The following PTPRN2 variants were observed in gnomAD, a reference collection of about 807,000 sequenced individuals.
PTPRN2 encodes the protein receptor-type tyrosine-protein phosphatase N2.
Under a neutral mutation model 118.8 loss-of-function variants are expected in PTPRN2, and 74 were observed. The observed-to-expected ratio is 0.62, with a 90% CI of 0.52 to 0.76. The LOEUF is 0.76. Ranked by LOEUF, PTPRN2 falls within the 30% of genes least tolerant of loss-of-function variation. PTPRN2 has a pLI of 0.00. For missense variants in PTPRN2, 1,481 were observed against 1,394.4 expected (o/e 1.06, Z -0.99); for synonymous variants, 641 against 608.0 (o/e 1.05, Z -0.80).
rs1810858474 is a variant in PTPRN2, at chr7:157,868,510, T to C, written c.1788+30163A>G. On this transcript the variant is annotated intron_variant, in intron 12 of 22. Transcript: ENST00000389418. This position sits in a 1 kb window ranked among gnomAD's most constrained non-coding sequence, Gnocchi z 5.2. ...GCGCTGCTGTCTTCCAGGTCCTCCC[T>C]GGTTTAATTTAGCAAAACTACCAAT... is the stretch of plus-strand genomic sequence containing the variant. 6.6e-6 allele frequency: 1 copy of C among 152,232 alleles called. No individual in the cohort carries two copies. The highest frequency in any genetic ancestry group is 2.1e-4 in the South Asian group (1 of 4,826). The allele number at this position is 152,232 out of a possible 1,614,324, so 9.4% of individuals were successfully genotyped here. A position where few individuals can be genotyped will look rare whatever the true frequency, so the allele number is the denominator to read the frequency against.
chr7:157,687,964 A>T (rs1484213835), intron 12 of PTPRN2, among the ~76,000 whole-genome samples: 3 of 152,252 alleles, frequency 2.0e-5, no homozygotes, highest in Non-Finnish European at 4.4e-5. Context: ...AAATCTTTTC[A>T]GAAGCTATTA....
In PTPRN2 at chr7:157,647,070, G is replaced by A. The variant is rs200997582; in HGVS notation, c.2196+9287C>T. The stretch of plus-strand genomic sequence containing the variant: ...CAGCGTGCACTGAACTCGGTGGGTC[G>A]GACCCATTCACTGTGCACTGAACTC... On this transcript the variant is annotated intron_variant, in intron 14 of 22. Transcript: ENST00000389418. Among the ~76,000 whole-genome samples, 133 of 128,656 alleles carry A rather than the reference G, an allele frequency of 1.0e-3. 2 individuals are homozygous for A. The highest frequency in any genetic ancestry group is 4.4e-3 in the Middle Eastern group (1 of 228). 84.4% of individuals were successfully genotyped at this position (128,656 alleles called of 152,430 possible). A position where few individuals can be genotyped will look rare whatever the true frequency, so the allele number is the denominator to read the frequency against.
chr7:157,693,454 C>T (rs1797617855), intron 12 of PTPRN2, among the ~76,000 whole-genome samples: 2 of 152,172 alleles, frequency 1.3e-5, no homozygotes, highest in South Asian at 2.1e-4. Flanking sequence ...GCGCAGGCCC[C>T]GGGATCGGCC....
intron 3 of PTPRN2, among the ~76,000 whole-genome samples, chr7:158,208,893 G>A (rs1347648815): frequency 6.6e-6 from 1 of 152,082 alleles, no homozygotes; most frequent in African/African-American, 2.4e-5. Flanking sequence ...AAAAAGTAGG[G>A]GGATGAAGCT....
intron 3 of PTPRN2, among the ~76,000 whole-genome samples, chr7:158,312,080 C>A (rs1355934253): frequency 3.3e-5 from 5 of 149,712 alleles, no homozygotes; most frequent in African/African-American, 1.2e-4. Context: ...CACACACGTG[C>A]ACTCATTCAC....
chr7:158,447,581 C>CGCT (rs1447581182), intron 2 of PTPRN2, among the ~76,000 whole-genome samples: 3 of 152,212 alleles, frequency 2.0e-5, no homozygotes, highest in African/African-American at 7.2e-5. Flanking sequence ...AGCTTGCTCC[C>CGCT]GCTGCCAGAG....
At chr7:158,217,332 C>T (rs1563616125) in intron 3 of PTPRN2, among the ~76,000 whole-genome samples, 3 of 152,178 alleles carry the variant, frequency 2.0e-5, no homozygotes, top group Non-Finnish European at 2.9e-5. Context: ...GAGCATACAG[C>T]CCAGGAGTTC....
chr7:158,417,240 G>A (rs1304402743), intron 2 of PTPRN2, among the ~76,000 whole-genome samples: 1 of 152,010 alleles, frequency 6.6e-6, no homozygotes, highest in Non-Finnish European at 1.5e-5. Context: ...AGCTCTCAGT[G>A]TCCTGCTGTG....
chr7:158,456,791 G>A (rs1818542581), intron 2 of PTPRN2, among the ~76,000 whole-genome samples: 1 of 152,000 alleles, frequency 6.6e-6, no homozygotes, highest in Admixed American at 6.6e-5. Flanking sequence ...TTTTATTTAG[G>A]GGAGACGGGG....
chr7:158,331,170 C>A (rs1309050049), intron 2 of PTPRN2, among the ~76,000 whole-genome samples: 6 of 142,872 alleles, frequency 4.2e-5, no homozygotes, highest in African/African-American at 1.0e-4. Context: ...CACACTCTCA[C>A]CAGAAGAGCT....
intron 6 of PTPRN2, among the ~76,000 whole-genome samples, chr7:158,146,772 A>G (rs1820091057): frequency 6.7e-6 from 1 of 149,932 alleles, no homozygotes; most frequent in South Asian, 2.1e-4. Flanking sequence ...TAAAAGCTTC[A>G]TTTTCTTGAG....
At chr7:158,321,106 T>G (rs1359832141) in intron 2 of PTPRN2, among the ~76,000 whole-genome samples, 1 of 126,916 alleles carries the variant, frequency 7.9e-6, no homozygotes, top group Non-Finnish European at 1.8e-5. Context: ...GACTCCGGAG[T>G]CGGGACGCCA....
chr7:158,337,638 T>C (rs62481683), intron 2 of PTPRN2, among the ~76,000 whole-genome samples: 6,051 of 28,090 alleles, frequency 0.22, 571 homozygotes, highest in Non-Finnish European at 0.26. Flanking sequence ...GCAGACGTCA[T>C]TCACACCCAC....
rs1035434782 is a variant in PTPRN2, at chr7:158,489,921, G to T, written c.113-136C>A. 7.5e-6 allele frequency: 6 copies of T among 795,178 alleles called. No homozygotes were observed. The Admixed American group carries it at 1.2e-4, about 16-fold the overall frequency. The allele number at this position is 795,178 out of a possible 1,614,324, so 49.3% of individuals were successfully genotyped here. Reference sequence around the variant, plus strand: ...GGCTCCTCCGACCCGGCTTTTCCGAGATGGGGCCGATTATTCTGAAGCCAG... The same window carrying T: ...GGCTCCTCCGACCCGGCTTTTCCGATATGGGGCCGATTATTCTGAAGCCAG... On this transcript the variant is annotated intron_variant, in intron 1 of 22. Transcript: ENST00000389418.
chr7:157,649,083 T>G (rs1805405322), intron 14 of PTPRN2, among the ~76,000 whole-genome samples: 1 of 127,744 alleles, frequency 7.8e-6, no homozygotes, highest in African/African-American at 2.9e-5. Context: ...GTCAGACCCA[T>G]TCACTGTGCA....
rs540536157 is a variant in PTPRN2, at chr7:158,194,040, A to G, written c.381-1545T>C. 2.0e-5 allele frequency among the ~76,000 whole-genome samples: 3 copies of G among 152,208 alleles called. No homozygotes were observed. In the South Asian group the frequency reaches 6.2e-4, roughly 32 times the overall value. On this transcript the variant is annotated intron_variant, in intron 4 of 22. Transcript: ENST00000389418. ...ACTTGAGGCTGCAGTAAGCTACGAT[A>G]GCGCCGCTGTGCTCCAGCCTCAGGC...
chr7:157,665,137 C>T (rs545628052), intron 13 of PTPRN2, among the ~76,000 whole-genome samples: 1 of 152,350 alleles, frequency 6.6e-6, no homozygotes, highest in South Asian at 2.1e-4. Flanking sequence ...ACATTTTTGG[C>T]AAACAGATCT....
intron 3 of PTPRN2, among the ~76,000 whole-genome samples, chr7:158,270,492 G>A (rs1030869542): frequency 5.3e-5 from 8 of 152,192 alleles, no homozygotes; most frequent in South Asian, 2.1e-4. Context: ...TGGCCATAAC[G>A]TGCCCCCGAC....
At chr7:157,608,291 C>G (rs979964092) in intron 15 of PTPRN2, among the ~76,000 whole-genome samples, 3 of 152,170 alleles carry the variant, frequency 2.0e-5, no homozygotes, top group African/African-American at 4.8e-5. Context: ...TGGTCTCAAA[C>G]TCCTGACCTC....
Sources: gnomAD v4.1 joint callset for allele counts (sites outside exome capture counted in the v4.1 genomes callset) on GRCh38, gnomAD v4.1.1 for gene constraint, Gnocchi (gnomAD v3.1) non-coding constraint, MANE v1.5 for transcripts, NCBI Gene and HGNC (gene_info 2026-07-23, HGNC 2026-07-21) for gene names.